MACROD2: variants seen among roughly 807,000 people sequenced by gnomAD.
MACROD2 encodes ADP-ribose glycohydrolase MACROD2.
MACROD2 carries 36 observed loss-of-function variants against 70.4 expected under a neutral mutation model. That is an observed-to-expected ratio of 0.51 (90% confidence interval 0.39 to 0.68). MACROD2 has a LOEUF of 0.68. Ranked by LOEUF, MACROD2 falls within the 30% of genes least tolerant of loss-of-function variation. The pLI is 0.00. For missense variants in MACROD2, 496 were observed against 538.4 expected (o/e 0.92, Z 0.78); for synonymous variants, 172 against 178.8 (o/e 0.96, Z 0.30).
chr20:14,632,856 A>G (rs999638414), intron 4 of MACROD2, among the ~76,000 whole-genome samples: 1 of 152,254 alleles, frequency 6.6e-6, no homozygotes, highest in Admixed American at 6.5e-5. Context: ...GATTATCACC[A>G]TTTAGGCATA....
intron 2 of MACROD2, among the ~76,000 whole-genome samples, chr20:14,043,109 G>A (rs1765950443): frequency 6.6e-6 from 1 of 152,014 alleles, no homozygotes; most frequent in Non-Finnish European, 1.5e-5. Context: ...TTGTAGAGAT[G>A]GGGTCTTACT....
At chr20:15,340,974 G>A (rs969099806) in intron 6 of MACROD2, among the ~76,000 whole-genome samples, 1 of 152,124 alleles carries the variant, frequency 6.6e-6, no homozygotes, top group Non-Finnish European at 1.5e-5. Flanking sequence ...ATTTTGAATA[G>A]AGAGTTGGGA....
chr20:14,489,873 T>C (rs184580917), intron 3 of MACROD2, among the ~76,000 whole-genome samples: 1 of 151,974 alleles, frequency 6.6e-6, no homozygotes, highest in Admixed American at 6.5e-5. Flanking sequence ...TTTTTTTTTT[T>C]TTTAAAAGAC....
chr20:14,621,937 T>C (rs1356647636), intron 4 of MACROD2: 1 of 152,132 alleles, frequency 6.6e-6, no homozygotes, highest in Non-Finnish European at 1.5e-5. Context: ...TGTGTGAGTT[T>C]TAACAAAATA....
chr20:14,682,284 T>C (rs2070941754), intron 4 of MACROD2, among the ~76,000 whole-genome samples: 2 of 152,062 alleles, frequency 1.3e-5, no homozygotes, highest in African/African-American at 4.8e-5. Context: ...CTTAAAGCTC[T>C]TGTAAAAAAT....
intron 6 of MACROD2, among the ~76,000 whole-genome samples, chr20:15,235,247 A>G (rs941562334): frequency 2.6e-5 from 4 of 152,236 alleles, no homozygotes; most frequent in African/African-American, 9.6e-5. Flanking sequence ...ATGAAAATAA[A>G]TACTAATTGA....
At chr20:14,005,656 G>T (rs1349786011) in intron 2 of MACROD2, among the ~76,000 whole-genome samples, 1 of 151,734 alleles carries the variant, frequency 6.6e-6, no homozygotes, top group Non-Finnish European at 1.5e-5. Flanking sequence ...GGGCTGGAGT[G>T]CAGTGGCGCG....
At chr20:15,351,758 A>G (rs1380502161) in intron 6 of MACROD2, among the ~76,000 whole-genome samples, 1 of 152,204 alleles carries the variant, frequency 6.6e-6, no homozygotes, top group Non-Finnish European at 1.5e-5. Context: ...AAACATGGCT[A>G]TCTGGCTAAC....
intron 5 of MACROD2, among the ~76,000 whole-genome samples, chr20:14,723,816 G>T (rs1427009049): frequency 1.3e-5 from 2 of 151,864 alleles, no homozygotes; most frequent in African/African-American, 4.8e-5. Flanking sequence ...TGTGTTAAAT[G>T]GAGTTTCATT....
chr20:14,207,024 TG>T (rs2081529672), intron 3 of MACROD2, among the ~76,000 whole-genome samples: 1 of 152,192 alleles, frequency 6.6e-6, no homozygotes, highest in Non-Finnish European at 1.5e-5. Context: ...TGAGTTATTT[TG>T]TACTTAGCGA....
intron 8 of MACROD2, among the ~76,000 whole-genome samples, chr20:15,531,263 A>G (rs1396969993): frequency 6.6e-6 from 1 of 151,696 alleles, no homozygotes; most frequent in Non-Finnish European, 1.5e-5. Flanking sequence ...AAATTATTTT[A>G]AGATTATACA....
chr20:14,457,435 T>G (rs1449380308), intron 3 of MACROD2, among the ~76,000 whole-genome samples: 3 of 152,050 alleles, frequency 2.0e-5, no homozygotes, highest in African/African-American at 7.3e-5. Flanking sequence ...ACTTAGAAAA[T>G]TTTAAAGACA....
At chr20:15,843,665 G>T (rs1484828872) in intron 8 of MACROD2, among the ~76,000 whole-genome samples, 2 of 152,088 alleles carry the variant, frequency 1.3e-5, no homozygotes, top group African/African-American at 2.4e-5. Flanking sequence ...TTTGGCATAT[G>T]TGTAGAATTT....
intron 3 of MACROD2, among the ~76,000 whole-genome samples, chr20:14,422,982 C>A (rs1209495227): frequency 6.6e-6 from 1 of 152,198 alleles, no homozygotes; most frequent in Non-Finnish European, 1.5e-5. Flanking sequence ...CTTTTATCAG[C>A]CCCGCCCACA....
chr20:14,977,462 TACACACACACACACAC>T (rs3045702), intron 5 of MACROD2, among the ~76,000 whole-genome samples: 1 of 135,016 alleles, frequency 7.4e-6, no homozygotes, highest in African/African-American at 2.8e-5. Context: ...AAGAAAAAGA[TACACACACACACACAC>T]ACACACACAC....
intron 4 of MACROD2, among the ~76,000 whole-genome samples, chr20:14,496,275 G>A (rs1341221325): frequency 6.6e-6 from 1 of 152,106 alleles, no homozygotes; most frequent in East Asian, 1.9e-4. Context: ...ATTTGATCAA[G>A]AAAATTTGAC....
intron 12 of MACROD2, among the ~76,000 whole-genome samples, chr20:15,949,330 C>A (rs1329814659): frequency 6.6e-6 from 1 of 152,118 alleles, no homozygotes; most frequent in Non-Finnish European, 1.5e-5. Flanking sequence ...GCTTTAAAAT[C>A]CTAACTACCC....
chr20:15,883,490 TA>T (rs929717325), intron 9 of MACROD2, among the ~76,000 whole-genome samples: 2 of 152,042 alleles, frequency 1.3e-5, no homozygotes, highest in Non-Finnish European at 2.9e-5. Flanking sequence ...ATTTCCATGG[TA>T]AAAAAATTAC....
intron 8 of MACROD2, among the ~76,000 whole-genome samples, chr20:15,649,978 T>C (rs1383472219): frequency 5.3e-5 from 8 of 152,226 alleles, no homozygotes; most frequent in African/African-American, 1.9e-4. Flanking sequence ...CTATGAAACA[T>C]ACCCATGACT....
Sources: gnomAD v4.1 joint callset for allele counts (sites outside exome capture counted in the v4.1 genomes callset) on GRCh38, gnomAD v4.1.1 for gene constraint, MANE v1.5 for transcripts, NCBI Gene and HGNC (gene_info 2026-07-23, HGNC 2026-07-21) for gene names.